Variants in PPP1R14C observed in about 807,000 individuals in gnomAD.
The protein encoded by PPP1R14C is protein phosphatase 1 regulatory inhibitor subunit 14C.
A neutral mutation model predicts 20.4 loss-of-function variants in PPP1R14C; 16 were observed. The ratio of observed to expected loss-of-function variants is 0.78; its 90% CI spans 0.53 to 1.19. The LOEUF (loss-of-function observed/expected upper bound fraction) is 1.19, where lower values mean the gene tolerates loss of function less well. Ranked by LOEUF, PPP1R14C falls within the 50% of genes most tolerant of loss-of-function variation. PPP1R14C has a pLI of 0.00. For synonymous variants in PPP1R14C, 91 were observed against 91.0 expected (o/e 1.00, Z 0.00); for missense variants, 211 against 220.1 (o/e 0.96, Z 0.26).
At chr6:150,190,253 C>T (rs897943786) in intron 1 of PPP1R14C, among the ~76,000 whole-genome samples, 1 of 151,960 alleles carries the variant, frequency 6.6e-6, no homozygotes, top group Admixed American at 6.6e-5. Context: ...TTCAATGTCT[C>T]CACCTGAACA....
chr6:150,148,932 C>T (rs1249191461), intron 1 of PPP1R14C, among the ~76,000 whole-genome samples: 1 of 152,092 alleles, frequency 6.6e-6, no homozygotes, highest in Non-Finnish European at 1.5e-5. Flanking sequence ...AAGATGGTGG[C>T]ATGCGCTGGT....
chr6:150,150,115 T>G (rs1295009851), intron 1 of PPP1R14C, among the ~76,000 whole-genome samples: 5 of 152,246 alleles, frequency 3.3e-5, no homozygotes, highest in Non-Finnish European at 7.3e-5. Flanking sequence ...CATTGATGTT[T>G]CTGTATCTGA....
chr6:150,204,013 G>A (rs553063733), intron 1 of PPP1R14C, among the ~76,000 whole-genome samples: 17 of 152,296 alleles, frequency 1.1e-4, no homozygotes, highest in Admixed American at 2.0e-4. Flanking sequence ...TGTAGCTTCC[G>A]CATGGTGTTC....
chr6:150,228,259 G>A lies in PPP1R14C; in HGVS notation c.423+11403G>A, dbSNP rs9478594. 4.4e-3 allele frequency among the ~76,000 whole-genome samples: 666 copies of A among 152,334 alleles called. 4 individuals carry two copies. The highest frequency in any genetic ancestry group is 0.015 in the African/African-American group (625 of 41,564). On this transcript the variant is annotated intron_variant, in intron 3 of 3. Coordinates refer to ENST00000361131, the MANE Select transcript of PPP1R14C (RefSeq NM_030949.3). ...TGTAAAGTTAGGGAACTGTCCAAAA[G>A]ACTGCTGTCACTTCTGGCACCAATC...
At chr6:150,189,269 TCTC>T (rs1777714716) in intron 1 of PPP1R14C, among the ~76,000 whole-genome samples, 1 of 152,186 alleles carries the variant, frequency 6.6e-6, no homozygotes, top group Admixed American at 6.5e-5. Context: ...TGTACTCCCT[TCTC>T]CTCGAAAGCA....
At chr6:150,213,345 TAACACA>T (rs1346761725) in intron 1 of PPP1R14C, among the ~76,000 whole-genome samples, 1 of 109,750 alleles carries the variant, frequency 9.1e-6, no homozygotes, top group East Asian at 2.7e-4. Flanking sequence ...TTTTGTGTTG[TAACACA>T]CACACACACA....
chr6:150,189,787 T>C (rs1285083820), intron 1 of PPP1R14C, among the ~76,000 whole-genome samples: 4 of 152,184 alleles, frequency 2.6e-5, no homozygotes, highest in African/African-American at 9.6e-5. Flanking sequence ...CAAGCACACC[T>C]CTGGATAAAA....
chr6:150,159,372 G>A (rs1327772971), intron 1 of PPP1R14C, among the ~76,000 whole-genome samples: 2 of 152,114 alleles, frequency 1.3e-5, no homozygotes, highest in Admixed American at 6.5e-5. Context: ...GCCCCTCTTA[G>A]CCACTGCTGT....
At chr6:150,179,986 G>C (rs549207492) in intron 1 of PPP1R14C, among the ~76,000 whole-genome samples, 129 of 152,282 alleles carry the variant, frequency 8.5e-4, no homozygotes, top group African/African-American at 2.9e-3. Flanking sequence ...TAGATCACCT[G>C]AGGTCAGGAG....
intron 1 of PPP1R14C, among the ~76,000 whole-genome samples, chr6:150,146,920 A>G (rs575914956): frequency 4.6e-5 from 7 of 152,256 alleles, no homozygotes; most frequent in African/African-American, 1.4e-4. Context: ...ACTGTAAAAT[A>G]CCACGTCAAA....
chr6:150,189,673 T>C (rs1230657958), intron 1 of PPP1R14C, among the ~76,000 whole-genome samples: 1 of 152,238 alleles, frequency 6.6e-6, no homozygotes, highest in Non-Finnish European at 1.5e-5. Flanking sequence ...TGATTGCTTT[T>C]GCTTTTCTTT....
intron 1 of PPP1R14C, chr6:150,164,540 A>G (rs1777404166): frequency 6.5e-6 from 1 of 154,374 alleles, no homozygotes; most frequent in African/African-American, 2.4e-5. Flanking sequence ...ATCCATCTGA[A>G]ATTCATTTTT....
At chr6:150,196,257 CTT>C in intron 1 of PPP1R14C, 2 of 371,754 alleles carry the variant, frequency 5.4e-6, no homozygotes, top group Non-Finnish European at 7.4e-6. Flanking sequence ...CCCTGCTTGC[CTT>C]TATAGCATCT....
chr6:150,221,555 G>A (rs781233671), intron 3 of PPP1R14C, among the ~76,000 whole-genome samples: 1 of 152,192 alleles, frequency 6.6e-6, no homozygotes, highest in Non-Finnish European at 1.5e-5. Context: ...TGAGGAAGAT[G>A]TCTTTGCTGA....
At chr6:150,190,189 A>G (rs543162284) in intron 1 of PPP1R14C, among the ~76,000 whole-genome samples, 1 of 152,168 alleles carries the variant, frequency 6.6e-6, no homozygotes, top group Admixed American at 6.6e-5. Flanking sequence ...ACAAATGTAT[A>G]TCTCTAGCCT....
rs1415950977 is a variant in PPP1R14C, at chr6:150,185,468, G to A, written c.307-29276G>A. Among the ~76,000 whole-genome samples the A allele has an allele frequency of 1.3e-5, 2 of 152,082 alleles. No homozygotes were observed. Among genetic ancestry groups the A allele is most frequent in the Non-Finnish European group, 2.9e-5 (2 of 68,030 alleles). On this transcript the variant is annotated intron_variant, in intron 1 of 3. Transcript: ENST00000361131. This position sits in a 1 kb window ranked among gnomAD's most constrained non-coding sequence, Gnocchi z 4.1. ...TTAACCACAGGAATTTCCAGCAACA[G>A]TCCACTACCATATTCCTAGCACTGA...
In PPP1R14C at chr6:150,170,423, C is replaced by T. The variant is rs1188799262; in HGVS notation, c.306+26925C>T. Among the ~76,000 whole-genome samples the T allele has an allele frequency of 2.0e-5, 3 of 151,776 alleles. No individual in the cohort carries two copies. The East Asian group carries it at 5.8e-4, about 29-fold the overall frequency. ...CTGCAAGCTCTGCCTCCCAGGTTCACGCCATTCTTCTGCCTCAGGCTCCTG... is the reference window on the plus strand; with the variant it reads ...CTGCAAGCTCTGCCTCCCAGGTTCATGCCATTCTTCTGCCTCAGGCTCCTG... On this transcript the variant is annotated intron_variant, in intron 1 of 3. Coordinates refer to ENST00000361131, the MANE Select transcript of PPP1R14C (RefSeq NM_030949.3).
At chr6:150,239,862 G>A (rs1394286237) in intron 3 of PPP1R14C, among the ~76,000 whole-genome samples, 1 of 152,168 alleles carries the variant, frequency 6.6e-6, no homozygotes, top group African/African-American at 2.4e-5. Context: ...AGACCAGCCT[G>A]GCCAACATGG....
At chr6:150,217,823 C>A (rs1187630417) in intron 3 of PPP1R14C, among the ~76,000 whole-genome samples, 2 of 152,124 alleles carry the variant, frequency 1.3e-5, no homozygotes, top group African/African-American at 4.8e-5. Context: ...GATAAGACTT[C>A]TGATTTTTGA....
Sources: gnomAD v4.1 joint callset for allele counts (sites outside exome capture counted in the v4.1 genomes callset) on GRCh38, gnomAD v4.1.1 for gene constraint, Gnocchi (gnomAD v3.1) non-coding constraint, MANE v1.5 for transcripts, NCBI Gene and HGNC (gene_info 2026-07-23, HGNC 2026-07-21) for gene names.